The following GPC3 variants were observed in gnomAD, a reference collection of about 807,000 sequenced individuals.
GPC3 encodes glypican-3.
In GPC3, 3 loss-of-function variants were observed where a neutral mutation model predicts 34.4. The observed-to-expected ratio is 0.09, with a 90% CI of 0.04 to 0.23. The LOEUF is 0.23. Among genes scored for constraint, GPC3 ranks in the 10% least tolerant of loss-of-function variants. GPC3 has a pLI of 1.00. For synonymous variants in GPC3, 177 were observed against 174.0 expected (o/e 1.02, Z -0.13); for missense variants, 351 against 445.6 (o/e 0.79, Z 1.91).
intron 6 of GPC3, among the ~76,000 whole-genome samples, chrX:133,653,632 G>A (rs1432283748): frequency 9.0e-6 from 1 of 111,461 alleles, no homozygotes; most frequent in East Asian, 2.8e-4. Flanking sequence ...CTCCCCACCC[G>A]GTGCAACAAC....
chrX:133,706,216 G>T lies in GPC3; in HGVS notation c.1033-6188C>A, dbSNP rs184951070. On this transcript the variant is annotated intron_variant, in intron 3 of 7. Transcript: ENST00000370818. ...ATTAACTCAAGATGGATAGATTAAA[G>T]ACTTAAATATTAGACTTCGAACTAT... Among the ~76,000 whole-genome samples the T allele has an allele frequency of 3.6e-5, 4 of 112,124 alleles. No homozygotes were observed. The Admixed American group carries it at 3.8e-4, about 11-fold the overall frequency.
At chrX:133,830,919 T>C (rs1026935206) in intron 2 of GPC3, among the ~76,000 whole-genome samples, 1 of 109,570 alleles carries the variant, frequency 9.1e-6, no homozygotes, top group African/African-American at 3.3e-5. Flanking sequence ...AATCATACAT[T>C]CCACAAAGGA....
At position 133,892,300 on chromosome X, in the gene GPC3, C is replaced by T. The variant is rs1327460758; in HGVS notation, c.337+60750G>A. On this transcript the variant is annotated intron_variant, in intron 2 of 7. Transcript: ENST00000370818. Reference sequence around the variant, plus strand: ...GACAAACCCTTCATTGTACATTCTACTTTCCTCTTGGTGACCTCTTCGTTT... The same window carrying T: ...GACAAACCCTTCATTGTACATTCTATTTTCCTCTTGGTGACCTCTTCGTTT... Among the ~76,000 whole-genome samples the T allele has an allele frequency of 5.4e-5, 6 of 112,008 alleles. No individual in the cohort carries two copies. In the East Asian group the frequency reaches 8.4e-4, roughly 16 times the overall value.
At chrX:133,613,790 A>T (rs2070133802) in intron 6 of GPC3, among the ~76,000 whole-genome samples, 1 of 112,306 alleles carries the variant, frequency 8.9e-6, no homozygotes, top group Admixed American at 9.4e-5. Flanking sequence ...CATTGGACTT[A>T]TTAGACAAAA....
At chrX:133,722,968 C>T (rs2071382047) in intron 3 of GPC3, among the ~76,000 whole-genome samples, 1 of 111,650 alleles carries the variant, frequency 9.0e-6, no homozygotes, top group African/African-American at 3.3e-5. Context: ...GCTATCGTCC[C>T]GGGCCTTCCT....
intron 1 of GPC3, among the ~76,000 whole-genome samples, chrX:133,968,532 C>T (rs149969726): frequency 0.046 from 5,145 of 111,616 alleles, 117 homozygotes; most frequent in East Asian, 0.1. Flanking sequence ...ATGGGGGAAA[C>T]AATGCTATCC....
chrX:133,599,438 G>A (rs2075067170), intron 6 of GPC3, among the ~76,000 whole-genome samples: 1 of 111,749 alleles, frequency 8.9e-6, no homozygotes, highest in Admixed American at 9.5e-5. Flanking sequence ...TTCATACTGT[G>A]GCATCGAAGA....
At chrX:133,774,610 A>C (rs1335698933) in intron 2 of GPC3, among the ~76,000 whole-genome samples, 1 of 111,716 alleles carries the variant, frequency 9.0e-6, no homozygotes, top group African/African-American at 3.2e-5. Context: ...ATATTATAAT[A>C]ATAGCTAACA....
At chrX:133,732,552 A>G (rs1480353130) in intron 3 of GPC3, among the ~76,000 whole-genome samples, 1 of 111,585 alleles carries the variant, frequency 9.0e-6, no homozygotes, top group East Asian at 2.8e-4. Context: ...AAAATAAGCA[A>G]TTCTCAAGTG....
chrX:133,787,639 T>C (rs1161469423), intron 2 of GPC3, among the ~76,000 whole-genome samples: 1 of 111,684 alleles, frequency 9.0e-6, no homozygotes, highest in Non-Finnish European at 1.9e-5. Context: ...TCTGCTCACT[T>C]CCTTCTATTC....
chrX:133,866,766 C>T (rs891865299), intron 2 of GPC3, among the ~76,000 whole-genome samples: 15 of 111,144 alleles, frequency 1.3e-4, no homozygotes, highest in African/African-American at 4.2e-4. Flanking sequence ...GCCCCCCAAA[C>T]TTCTCTAGTC....
intron 2 of GPC3, among the ~76,000 whole-genome samples, chrX:133,911,527 A>G (rs2076199695): frequency 8.9e-6 from 1 of 111,925 alleles, no homozygotes; most frequent in Non-Finnish European, 1.9e-5. Flanking sequence ...TTTCAACTCT[A>G]TGCTGCCATC....
intron 3 of GPC3, among the ~76,000 whole-genome samples, chrX:133,703,093 T>C (rs2071180551): frequency 8.9e-6 from 1 of 112,299 alleles, no homozygotes; most frequent in Admixed American, 9.4e-5. Context: ...TTGAGTCTTA[T>C]TCTTCAGCAG....
intron 2 of GPC3, among the ~76,000 whole-genome samples, chrX:133,869,084 C>G (rs1569447876): frequency 8.9e-6 from 1 of 111,878 alleles, no homozygotes; most frequent in Non-Finnish European, 1.9e-5. Flanking sequence ...TCCCTGAGCT[C>G]AAGTCTTCCT....
intron 3 of GPC3, among the ~76,000 whole-genome samples, chrX:133,717,499 A>T (rs569260838): frequency 2.7e-5 from 3 of 111,630 alleles, no homozygotes; most frequent in African/African-American, 9.8e-5. Context: ...GACATTATAT[A>T]GAAAAGCACT....
At chrX:133,759,276 A>G (rs1256848709) in intron 2 of GPC3, among the ~76,000 whole-genome samples, 1 of 112,173 alleles carries the variant, frequency 8.9e-6, no homozygotes, top group East Asian at 2.8e-4. Flanking sequence ...TAAAGTTTAT[A>G]TGGAAACATA....
intron 5 of GPC3, among the ~76,000 whole-genome samples, chrX:133,689,752 A>G (rs1416691879): frequency 8.9e-6 from 1 of 112,137 alleles, no homozygotes; most frequent in African/African-American, 3.2e-5. Flanking sequence ...ATATATTTGT[A>G]AAGTAAAATT....
intron 6 of GPC3, among the ~76,000 whole-genome samples, chrX:133,598,625 C>G (rs930672766): frequency 8.9e-6 from 1 of 111,897 alleles, no homozygotes; most frequent in African/African-American, 3.2e-5. Context: ...GCAGACTTTT[C>G]AGATAATTGT....
intron 7 of GPC3, among the ~76,000 whole-genome samples, chrX:133,548,106 A>G (rs778901664): frequency 8.9e-6 from 1 of 112,671 alleles, no homozygotes; most frequent in Admixed American, 9.4e-5. Context: ...AACATTTTCA[A>G]AAGTTATTTA....
Sources: gnomAD v4.1 joint callset for allele counts (sites outside exome capture counted in the v4.1 genomes callset) on GRCh38, gnomAD v4.1.1 for gene constraint, MANE v1.5 for transcripts, NCBI Gene and HGNC (gene_info 2026-07-23, HGNC 2026-07-21) for gene names.